The following CSMD2 variants were observed in gnomAD, a reference collection of about 807,000 sequenced individuals.
CSMD2 encodes CUB and sushi domain-containing protein 2.
In CSMD2, 130 loss-of-function variants were observed where a neutral mutation model predicts 398.5. The ratio of observed to expected loss-of-function variants is 0.33; its 90% confidence interval spans 0.28 to 0.38. CSMD2 has a LOEUF of 0.38. Ranked by LOEUF, CSMD2 falls within the 10% of genes least tolerant of loss-of-function variation. The pLI is 1.00. For synonymous variants in CSMD2, 1,828 were observed against 1,908.5 expected (o/e 0.96, Z 1.10); for missense variants, 3,829 against 4,764.9 (o/e 0.80, Z 5.78).
intron 1 of CSMD2, among the ~76,000 whole-genome samples, chr1:34,098,011 C>T (rs1194582291): frequency 9.5e-6 from 1 of 105,532 alleles, no homozygotes; most frequent in Non-Finnish European, 1.8e-5. Context: ...TTGGAACCAA[C>T]CCAAATGTCC....
chr1:34,163,201 C>G lies in CSMD2; in HGVS notation c.187+1710G>C, dbSNP rs985956767. 2.0e-5 allele frequency among the ~76,000 whole-genome samples: 3 copies of G among 152,266 alleles called. No individual in the cohort carries two copies. The highest frequency in any genetic ancestry group is 7.2e-5 in the African/African-American group (3 of 41,484). On this transcript the variant is annotated intron_variant, in intron 1 of 70. Coordinates refer to ENST00000373381, the MANE Select transcript of CSMD2 (RefSeq NM_001281956.2). The surrounding 1 kb of genome is among the most constrained non-coding windows in gnomAD (Gnocchi z 5.4). ...CAGAGACCGGCCTCGCCTCAACGTA[C>G]GTCCGGGAGGCCTGGCGGGAGGTAG...
At chr1:33,646,582 C>A (rs949424627) in intron 29 of CSMD2, 66 bp downstream of exon 29, 4 of 1,552,108 alleles carry the variant, frequency 2.6e-6, no homozygotes, top group Non-Finnish European at 2.6e-6. Flanking sequence ...CACTACGCTA[C>A]ACTACTTGCC....
chr1:34,158,524 G>A (rs1641015512), intron 1 of CSMD2, among the ~76,000 whole-genome samples: 1 of 152,190 alleles, frequency 6.6e-6, no homozygotes, highest in African/African-American at 2.4e-5. Context: ...AGGGGACCAG[G>A]TTCTAAGGTG....
chr1:33,536,009 A>G (rs937751039), intron 62 of CSMD2, among the ~76,000 whole-genome samples: 2 of 152,156 alleles, frequency 1.3e-5, no homozygotes, highest in African/African-American at 4.8e-5. Flanking sequence ...CCCTTCAAAC[A>G]GGCACCCAGT....
At position 33,624,380 on chromosome 1, in the gene CSMD2, G is replaced by A. The variant is rs1293917097; in HGVS notation, c.5625+139C>T. 18 of 1,052,660 alleles carry A rather than the reference G, an allele frequency of 1.7e-5. No homozygotes were observed. Among genetic ancestry groups the A allele is most frequent in the Non-Finnish European group, 4.1e-6 (3 of 736,886 alleles). 65.2% of individuals were successfully genotyped at this position (1,052,660 alleles called of 1,614,324 possible). A position where few individuals can be genotyped will look rare whatever the true frequency, so the allele number is the denominator to read the frequency against. On this transcript the variant is annotated intron_variant, in intron 35 of 70. Transcript: ENST00000373381. The surrounding 1 kb of genome is among the most constrained non-coding windows in gnomAD (Gnocchi z 4.7). ...CTGAGCCTCCTTAGCCGCAGGGGCA[G>A]GTACAGGGCTGATATGTCTCTTCCT...
At chr1:33,549,777 G>A (rs1016285622) in intron 56 of CSMD2, among the ~76,000 whole-genome samples, 6 of 152,206 alleles carry the variant, frequency 3.9e-5, no homozygotes, top group African/African-American at 1.4e-4. Context: ...GCTTGGACCT[G>A]AGCACGAGTC....
intron 37 of CSMD2, among the ~76,000 whole-genome samples, chr1:33,619,941 A>C (rs916144247): frequency 1.3e-5 from 2 of 152,222 alleles, no homozygotes; most frequent in African/African-American, 4.8e-5. Context: ...AGTTGCAACT[A>C]ACTAGACCTA....
At chr1:33,747,100 A>G (rs1166522320) in intron 13 of CSMD2, among the ~76,000 whole-genome samples, 1 of 152,204 alleles carries the variant, frequency 6.6e-6, no homozygotes, top group African/African-American at 2.4e-5. Context: ...ACTCACATCC[A>G]CTCAAAGATG....
rs1198219400 is a variant in CSMD2 at position 34,077,313 on chromosome 1, C to T, written c.404+11664G>A. Among the ~76,000 whole-genome samples the T allele has an allele frequency of 2.7e-4, 40 of 148,762 alleles. 1 individual carries two copies. The highest frequency in any genetic ancestry group is 8.5e-4 in the African/African-American group (34 of 40,188). ...TCTACTAAAAATACAAAAAATTAGC[C>T]GGGCGCGGTGGCGGGCGCCTGTAGT... On this transcript the variant is annotated intron_variant, in intron 2 of 70. Coordinates refer to ENST00000373381, the MANE Select transcript of CSMD2 (RefSeq NM_001281956.2).
intron 12 of CSMD2, among the ~76,000 whole-genome samples, chr1:33,784,325 G>C (rs1653228167): frequency 6.6e-6 from 1 of 152,106 alleles, no homozygotes; most frequent in South Asian, 2.1e-4. Flanking sequence ...GGCAAGGACA[G>C]GGAGTCACAT....
At chr1:33,627,402 T>C (rs1167735363) in intron 32 of CSMD2, among the ~76,000 whole-genome samples, 2 of 152,074 alleles carry the variant, frequency 1.3e-5, no homozygotes, top group Non-Finnish European at 2.9e-5. Flanking sequence ...AGGGAGAACA[T>C]GGGTGGAGGC....
chr1:33,848,476 C>G (rs1041830055), intron 5 of CSMD2, among the ~76,000 whole-genome samples: 4 of 152,190 alleles, frequency 2.6e-5, no homozygotes, highest in Admixed American at 2.0e-4. Context: ...AGAGAGCATA[C>G]TGATGCAGCC....
chr1:33,863,582 T>A (rs1474377344), intron 5 of CSMD2: 1 of 152,274 alleles, frequency 6.6e-6, no homozygotes, highest in African/African-American at 2.4e-5. Flanking sequence ...CATACCTGAT[T>A]ACTTTTAGAG....
chr1:34,003,870 C>T (rs929806626), intron 3 of CSMD2, among the ~76,000 whole-genome samples: 5 of 152,206 alleles, frequency 3.3e-5, no homozygotes, highest in South Asian at 2.1e-4. Flanking sequence ...CGAGGCCTTT[C>T]AGGCTGATCC....
chr1:33,997,007 T>C (rs1439334795), intron 3 of CSMD2, among the ~76,000 whole-genome samples: 7 of 152,246 alleles, frequency 4.6e-5, no homozygotes, highest in Admixed American at 3.3e-4. Flanking sequence ...AGTCACTTTC[T>C]CAAGGTCATA....
intron 1 of CSMD2, among the ~76,000 whole-genome samples, chr1:34,137,726 G>A (rs148364695): frequency 6.6e-6 from 1 of 152,202 alleles, no homozygotes; most frequent in East Asian, 1.9e-4. Flanking sequence ...AATTGGGAAG[G>A]CAAGGAACCT....
At chr1:33,911,583 C>T (rs780058010) in intron 5 of CSMD2, among the ~76,000 whole-genome samples, 2 of 152,100 alleles carry the variant, frequency 1.3e-5, no homozygotes, top group South Asian at 2.1e-4. Flanking sequence ...GAAGCAAATC[C>T]GTCAAAGCTC....
At chr1:33,825,273 C>A (rs1170510754) in intron 7 of CSMD2, among the ~76,000 whole-genome samples, 1 of 152,222 alleles carries the variant, frequency 6.6e-6, no homozygotes, top group African/African-American at 2.4e-5. Context: ...CCCTGCCTCC[C>A]TTTCCCAATC....
At chr1:33,560,630 C>T (rs1658454310) in intron 53 of CSMD2, among the ~76,000 whole-genome samples, 1 of 152,244 alleles carries the variant, frequency 6.6e-6, no homozygotes, top group Non-Finnish European at 1.5e-5. Context: ...GAGGCCTTCC[C>T]TTAGTCCCTA....
Sources: allele counts gnomAD v4.1 joint callset (sites outside exome capture counted in the v4.1 genomes callset), GRCh38; gene constraint gnomAD v4.1.1; non-coding constraint Gnocchi (gnomAD v3.1); transcripts MANE v1.5; gene names NCBI Gene and HGNC (gene_info 2026-07-23, HGNC 2026-07-21).